LHFPL3: variants seen among roughly 807,000 people sequenced by gnomAD.
LHFPL3 encodes the protein LHFPL tetraspan subfamily member 3, also known as LHFPL tetraspan subfamily member 3 protein.
A neutral mutation model predicts 19.3 loss-of-function variants in LHFPL3; 5 were observed. The observed-to-expected ratio is 0.26, with a 90% confidence interval of 0.14 to 0.54. The LOEUF is 0.54. Ranked by LOEUF, LHFPL3 falls within the 20% of genes least tolerant of loss-of-function variation. LHFPL3 has a pLI of 0.94. For missense variants in LHFPL3, 249 were observed against 307.4 expected (o/e 0.81, Z 1.42); for synonymous variants, 133 against 126.2 (o/e 1.05, Z -0.36).
At chr7:104,501,642 G>A (rs752303705) in intron 1 of LHFPL3, among the ~76,000 whole-genome samples, 31 of 152,116 alleles carry the variant, frequency 2.0e-4, no homozygotes, top group Non-Finnish European at 2.8e-4. Flanking sequence ...TTTCTCTGAC[G>A]TCCACCATAA....
At chr7:104,865,120 G>A (rs550010635) in intron 2 of LHFPL3, among the ~76,000 whole-genome samples, 26 of 152,218 alleles carry the variant, frequency 1.7e-4, no homozygotes, top group South Asian at 8.3e-4. Flanking sequence ...CCACAAAGAT[G>A]GGGAAAAAAC....
At chr7:104,416,652 C>T (rs1791628492) in intron 1 of LHFPL3, among the ~76,000 whole-genome samples, 1 of 152,220 alleles carries the variant, frequency 6.6e-6, no homozygotes, top group Admixed American at 6.5e-5. Flanking sequence ...AGCAGAGAAA[C>T]ATGCTCAGAT....
At chr7:104,424,983 T>TA (rs71153196) in intron 1 of LHFPL3, among the ~76,000 whole-genome samples, 3,914 of 65,070 alleles carry the variant, frequency 0.06, 161 homozygotes, top group Middle Eastern at 0.083. Flanking sequence ...CTCCATCTCA[T>TA]AAAAAAAAAA....
chr7:104,546,759 G>A (rs565835434), intron 1 of LHFPL3, among the ~76,000 whole-genome samples: 3 of 152,278 alleles, frequency 2.0e-5, no homozygotes, highest in Admixed American at 1.3e-4. Flanking sequence ...TGTCACTGGA[G>A]ACCTGGGTTG....
At chr7:104,426,260 G>GTTTTTTT (rs1483141334) in intron 1 of LHFPL3, among the ~76,000 whole-genome samples, 3 of 150,796 alleles carry the variant, frequency 2.0e-5, no homozygotes, top group Admixed American at 6.7e-5. Context: ...TTGTTTGTTT[G>GTTTTTTT]TTTGTTTGTT....
At chr7:104,668,177 A>G in intron 1 of LHFPL3, 2 of 1,613,954 alleles carry the variant, frequency 1.2e-6, no homozygotes, top group Non-Finnish European at 1.7e-6. Flanking sequence ...GTTATGCTGA[A>G]TTTGAGGACC....
At chr7:104,434,905 ATAAT>A (rs1349860665) in intron 1 of LHFPL3, among the ~76,000 whole-genome samples, 1 of 152,178 alleles carries the variant, frequency 6.6e-6, no homozygotes, top group African/African-American at 2.4e-5. Flanking sequence ...TATTAACAAT[ATAAT>A]TATTTTTATT....
chr7:104,732,979 G>A (rs900312427), intron 1 of LHFPL3, among the ~76,000 whole-genome samples: 5 of 152,058 alleles, frequency 3.3e-5, no homozygotes, highest in East Asian at 1.9e-4. Flanking sequence ...ATTTTGTTAT[G>A]TACCCCATAG....
chr7:104,718,293 C>T (rs1562972083), intron 1 of LHFPL3, among the ~76,000 whole-genome samples: 1 of 152,066 alleles, frequency 6.6e-6, no homozygotes, highest in Admixed American at 6.6e-5. Context: ...AATATAATGT[C>T]CTTACCCACA....
chr7:104,717,992 G>A (rs1265539182), intron 1 of LHFPL3, among the ~76,000 whole-genome samples: 1 of 152,094 alleles, frequency 6.6e-6, no homozygotes, highest in Non-Finnish European at 1.5e-5. Context: ...AAGAAGGAAA[G>A]TCTGCAATAT....
intron 2 of LHFPL3, among the ~76,000 whole-genome samples, chr7:104,870,573 C>T (rs1279590383): frequency 6.6e-6 from 1 of 152,176 alleles, no homozygotes; most frequent in Non-Finnish European, 1.5e-5. Flanking sequence ...GAAAGTTTCA[C>T]GAAGCTTTCA....
In LHFPL3 at chr7:104,723,722, CAAAAAAAAAAAAA is replaced by C. The variant is rs1167618176; in HGVS notation, c.446-12936_446-12924del. On this transcript the variant is annotated intron_variant, in intron 1 of 2. Transcript: ENST00000424859. ...GGGCGACAGAGCAAGACTATGTCTC[CAAAAAAAAAAAAA>C]AAAAAAAAAAAAAAAAGATGATCTC... is the stretch of plus-strand genomic sequence containing the variant. Among the ~76,000 whole-genome samples the C allele has an allele frequency of 4.9e-3, 232 of 46,970 alleles. 1 individual carries two copies. The highest frequency in any genetic ancestry group is 0.019 in the African/African-American group (198 of 10,300). 30.8% of individuals were successfully genotyped at this position (46,970 alleles called of 152,430 possible). A position where few individuals can be genotyped will look rare whatever the true frequency, so the allele number is the denominator to read the frequency against.
chr7:104,864,294 A>C (rs1250948268), intron 2 of LHFPL3, among the ~76,000 whole-genome samples: 1 of 152,170 alleles, frequency 6.6e-6, no homozygotes, highest in Non-Finnish European at 1.5e-5. Context: ...TGCACCGAGC[A>C]TGAGCCAAAG....
chr7:104,418,303 C>T (rs996992674), intron 1 of LHFPL3, among the ~76,000 whole-genome samples: 4 of 152,084 alleles, frequency 2.6e-5, no homozygotes, highest in Non-Finnish European at 5.9e-5. Context: ...CAACAATAGG[C>T]AAGAGGATTG....
intron 2 of LHFPL3, among the ~76,000 whole-genome samples, chr7:104,841,939 C>T (rs967704716): frequency 4.6e-5 from 7 of 151,948 alleles, no homozygotes; most frequent in East Asian, 3.9e-4. Context: ...TAAAAGAGGC[C>T]GGATGAGGCT....
intron 2 of LHFPL3, among the ~76,000 whole-genome samples, chr7:104,784,365 C>T (rs915720678): frequency 6.6e-6 from 1 of 152,144 alleles, no homozygotes; most frequent in Non-Finnish European, 1.5e-5. Flanking sequence ...TTCTGGACCT[C>T]GCCTGCAAAA....
At chr7:104,501,807 A>G (rs1236019665) in intron 1 of LHFPL3, among the ~76,000 whole-genome samples, 1 of 152,174 alleles carries the variant, frequency 6.6e-6, no homozygotes, top group East Asian at 1.9e-4. Flanking sequence ...CTGACAGGAA[A>G]CCAAATATAT....
At chr7:104,605,358 A>G (rs1225049215) in intron 1 of LHFPL3, among the ~76,000 whole-genome samples, 2 of 152,234 alleles carry the variant, frequency 1.3e-5, no homozygotes, top group Admixed American at 1.3e-4. Context: ...AGTGAAAAAA[A>G]TGGTGATTTC....
chr7:104,396,294 G>C (rs1418019062), intron 1 of LHFPL3, among the ~76,000 whole-genome samples: 1 of 152,152 alleles, frequency 6.6e-6, no homozygotes, highest in African/African-American at 2.4e-5. Flanking sequence ...TGCTACAGGA[G>C]AGCAGGAAGG....
Sources: gnomAD v4.1 joint callset for allele counts (sites outside exome capture counted in the v4.1 genomes callset) on GRCh38, gnomAD v4.1.1 for gene constraint, MANE v1.5 for transcripts, NCBI Gene and HGNC (gene_info 2026-07-23, HGNC 2026-07-21) for gene names.